Variants in MSI1 observed in about 807,000 individuals in gnomAD.
The protein encoded by MSI1 is musashi RNA binding protein 1, also known as RNA-binding protein Musashi homolog 1.
MSI1 carries 15 observed loss-of-function variants against 54.4 expected under a neutral mutation model. That is an observed-to-expected ratio of 0.28 (90% confidence interval 0.18 to 0.42). The LOEUF is 0.42. Ranked by LOEUF, MSI1 falls within the 20% of genes least tolerant of loss-of-function variation. MSI1 has a pLI of 1.00. For missense variants in MSI1, 304 were observed against 506.0 expected, an observed-to-expected ratio of 0.60 and a Z score of 3.83; for synonymous variants, 200 against 196.5, an observed-to-expected ratio of 1.02 and a Z score of -0.15.
intron 13 of MSI1, 90 bp from the exon 14 acceptor site, chr12:120,345,722 GC>G (rs1874054578): frequency 2.0e-6 from 3 of 1,510,934 alleles, no homozygotes; most frequent in Non-Finnish European, 2.8e-6. Context: ...CTGAAGTGAG[GC>G]GCTGACCTCT....
chr12:120,348,579 T>C (rs1874337004), intron 11 of MSI1, among the ~76,000 whole-genome samples: 1 of 152,114 alleles, frequency 6.6e-6, no homozygotes, highest in Non-Finnish European at 1.5e-5. Context: ...ATTAATTTTT[T>C]TGTAAAGATA....
At chr12:120,367,738 T>C (rs1876102786) in intron 4 of MSI1, among the ~76,000 whole-genome samples, 1 of 151,954 alleles carries the variant, frequency 6.6e-6, no homozygotes, top group African/African-American at 2.4e-5. Context: ...TCATGATTAG[T>C]ACTTCTAGGG....
At chr12:120,359,516 G>T (rs1179225912) in intron 6 of MSI1, among the ~76,000 whole-genome samples, 3 of 152,164 alleles carry the variant, frequency 2.0e-5, no homozygotes, top group Non-Finnish European at 4.4e-5. Flanking sequence ...CCCCTCTCCG[G>T]CTACAGATCT....
At chr12:120,343,899 C>G (rs1024673827) in intron 14 of MSI1, among the ~76,000 whole-genome samples, 1 of 152,196 alleles carries the variant, frequency 6.6e-6, no homozygotes, top group Admixed American at 6.5e-5. Flanking sequence ...CTCTGTTGCC[C>G]AGGCTGGAGT....
At position 120,368,753 on chromosome 12, in the gene MSI1, G is replaced by A. The variant is rs1252008317; in HGVS notation, c.100+80C>T. ...CCCGGGGTCAGCAGGGCGCAGGGCCGGGCTGGGGTGTCCGGGTCCGGGGCG... is the reference window on the plus strand; with the variant it reads ...CCCGGGGTCAGCAGGGCGCAGGGCCAGGCTGGGGTGTCCGGGTCCGGGGCG... On this transcript the variant is annotated intron_variant, in intron 2 of 14. Coordinates refer to ENST00000257552, the MANE Select transcript of MSI1 (RefSeq NM_002442.4). This position sits in a 1 kb window ranked among gnomAD's most constrained non-coding sequence, Gnocchi z 6.6. The A allele has an allele frequency of 1.7e-5, 22 of 1,261,738 alleles. No homozygotes were observed. The highest frequency in any genetic ancestry group is 1.0e-5 in the Non-Finnish European group (10 of 981,626). 78.2% of individuals were successfully genotyped at this position (1,261,738 alleles called of 1,614,324 possible). A position where few individuals can be genotyped will look rare whatever the true frequency, so the allele number is the denominator to read the frequency against.
rs752036224 is a variant in MSI1 at position 120,358,891 on chromosome 12, C to G, written c.451+114G>C. The G allele has an allele frequency of 5.8e-5, 72 of 1,240,460 alleles. 1 individual carries two copies. In the Admixed American group the frequency reaches 1.5e-3, roughly 25 times the overall value. The allele number at this position is 1,240,460 out of a possible 1,614,324, so 76.8% of individuals were successfully genotyped here. On this transcript the variant is annotated intron_variant, in intron 7 of 14. Coordinates refer to ENST00000257552, the MANE Select transcript of MSI1 (RefSeq NM_002442.4). ...CTGTAAGGCCAGGCCTGGGAGAGGA[C>G]GCAGATCCTGGGGGATAGGATGTCA... is the stretch of plus-strand genomic sequence containing the variant.
At chr12:120,360,612 C>T (rs1449049089) in intron 6 of MSI1, among the ~76,000 whole-genome samples, 1 of 152,214 alleles carries the variant, frequency 6.6e-6, no homozygotes, top group Admixed American at 6.5e-5. Context: ...CCACCCCTCA[C>T]TTAACCAATG....
rs1033153240 is a variant in MSI1 at position 120,368,324 on chromosome 12, C to A, written c.101-51G>T. ...CCAGCCCGGGCCCCGCGCCCTTCCC[C>A]CCCCCCCGTCCTTTGCCCCCGGTGA... On this transcript the variant is annotated intron_variant, in intron 2 of 14. Transcript: ENST00000257552. The surrounding 1 kb of genome is among the most constrained non-coding windows in gnomAD (Gnocchi z 6.6). 8 of 1,454,952 alleles carry A rather than the reference C, an allele frequency of 5.5e-6. No individual in the cohort carries two copies. The highest frequency in any genetic ancestry group is 3.9e-4 in the Middle Eastern group (2 of 5,150). 90.1% of individuals were successfully genotyped at this position (1,454,952 alleles called of 1,614,324 possible).
In MSI1 at chr12:120,368,692, G is replaced by T; in HGVS notation, c.100+141C>A. On this transcript the variant is annotated intron_variant, in intron 2 of 14. Coordinates refer to ENST00000257552, the MANE Select transcript of MSI1 (RefSeq NM_002442.4). The surrounding 1 kb of genome is among the most constrained non-coding windows in gnomAD (Gnocchi z 6.6). ...TCGCGGATCGCCCTGCGCTCTCGGGGTCTCCGGGCGGGGCGCGAAAGAGGG... is the reference window on the plus strand; with the variant it reads ...TCGCGGATCGCCCTGCGCTCTCGGGTTCTCCGGGCGGGGCGCGAAAGAGGG... The T allele has an allele frequency of 1.4e-6, 1 of 731,984 alleles. No individual in the cohort carries two copies. Among genetic ancestry groups the T allele is most frequent in the Non-Finnish European group, 1.8e-6 (1 of 542,364 alleles). The allele number at this position is 731,984 out of a possible 1,614,324, so 45.3% of individuals were successfully genotyped here. A position where few individuals can be genotyped will look rare whatever the true frequency, so the allele number is the denominator to read the frequency against.
intron 6 of MSI1, among the ~76,000 whole-genome samples, chr12:120,362,296 A>AC (rs1362804038): frequency 8.6e-5 from 13 of 151,592 alleles, no homozygotes; most frequent in Non-Finnish European, 1.9e-4. Flanking sequence ...AAGACCAGGG[A>AC]CCCCGGCCCC....
chr12:120,356,797 CAGG>C (rs1453436926), intron 9 of MSI1, 102 bp downstream of exon 9: 3 of 989,296 alleles, frequency 3.0e-6, no homozygotes, highest in Non-Finnish European at 3.1e-6. Context: ...ATGACTCAGA[CAGG>C]AGGAGGGCAG....
At chr12:120,340,149 C>T (rs779379655), downstream of MSI1, among the ~76,000 whole-genome samples, 9 of 150,978 alleles carry the variant, frequency 6.0e-5, no homozygotes, top group South Asian at 2.1e-4. Context: ...TGCAGTGGCG[C>T]GACCTTGGCT....
At chr12:120,341,103 C>T (rs141728430), downstream of MSI1, among the ~76,000 whole-genome samples, 464 of 152,056 alleles carry the variant, frequency 3.1e-3, 2 homozygotes, top group African/African-American at 0.011. Context: ...CCAGCCTGGT[C>T]TCGAACTCCT....
chr12:120,346,042 C>T (rs902829656), intron 13 of MSI1, 93 bp downstream of exon 13: 1 of 1,160,606 alleles, frequency 8.6e-7, no homozygotes, highest in Non-Finnish European at 1.2e-6. Flanking sequence ...CTCCTTTTGC[C>T]CCCAGAGACA....
chr12:120,349,839 G>T (rs1010414778), intron 11 of MSI1, among the ~76,000 whole-genome samples: 1 of 152,188 alleles, frequency 6.6e-6, no homozygotes, highest in African/African-American at 2.4e-5. Context: ...GAGGTCTGTT[G>T]TTTGGCTCAT....
intron 4 of MSI1, among the ~76,000 whole-genome samples, chr12:120,366,820 A>G (rs1305471452): frequency 6.6e-6 from 1 of 151,704 alleles, no homozygotes; most frequent in Admixed American, 6.6e-5. Context: ...CCCTTTATCA[A>G]TCTTCCACTC....
Position 120,342,677 on chromosome 12 carries a change from A to C in MSI1, c.*450T>G. 6.7e-6 allele frequency: 1 copy of C among 148,564 alleles called. No homozygotes were observed. The highest frequency in any genetic ancestry group is 6.7e-5 in the Admixed American group (1 of 14,956). 9.2% of individuals were successfully genotyped at this position (148,564 alleles called of 1,614,324 possible). On this transcript the variant is annotated 3_prime_UTR_variant, in exon 15 of 15. Transcript: ENST00000257552. ...AAAAAAAAAAAAAAAAAAAAAAGGGAAAGGGTAAAGGAGGGGAAATCTGAA... is the reference window on the plus strand; with the variant it reads ...AAAAAAAAAAAAAAAAAAAAAAGGGCAAGGGTAAAGGAGGGGAAATCTGAA...
rs749925045 is a variant in MSI1, at chr12:120,358,901, G to A, written c.451+104C>T. The A allele has an allele frequency of 3.8e-6, 5 of 1,313,148 alleles. 1 individual carries two copies. Among genetic ancestry groups the A allele is most frequent in the Middle Eastern group, 4.0e-4 (2 of 5,018 alleles). The allele number at this position is 1,313,148 out of a possible 1,614,324, so 81.3% of individuals were successfully genotyped here. ...AGGCCTGGGAGAGGACGCAGATCCT[G>A]GGGGATAGGATGTCAGAAGGCGAGA... On this transcript the variant is annotated intron_variant, in intron 7 of 14. Transcript: ENST00000257552.
In MSI1 at chr12:120,368,691, GGTCTCCGGGCGGGGCGCGAAAGAGGGCGC is replaced by G. The variant is rs1451940862; in HGVS notation, c.100+113_100+141del. 2.1e-5 allele frequency: 15 copies of G among 719,056 alleles called. No individual in the cohort carries two copies. The highest frequency in any genetic ancestry group is 2.8e-5 in the Non-Finnish European group (15 of 530,842). The allele number at this position is 719,056 out of a possible 1,614,324, so 44.5% of individuals were successfully genotyped here. On this transcript the variant is annotated intron_variant, in intron 2 of 14. Coordinates refer to ENST00000257552, the MANE Select transcript of MSI1 (RefSeq NM_002442.4). The surrounding 1 kb of genome is among the most constrained non-coding windows in gnomAD (Gnocchi z 6.6). Reference sequence around the variant, plus strand: ...CTCGCGGATCGCCCTGCGCTCTCGGGGTCTCCGGGCGGGGCGCGAAAGAGGGCGCGAGGGCGCCCGGGGTCAGCAGGGCG... The same window carrying G: ...CTCGCGGATCGCCCTGCGCTCTCGGGGAGGGCGCCCGGGGTCAGCAGGGCG...
Sources: allele counts gnomAD v4.1 joint callset (sites outside exome capture counted in the v4.1 genomes callset), GRCh38; gene constraint gnomAD v4.1.1; non-coding constraint Gnocchi (gnomAD v3.1); transcripts MANE v1.5; gene names NCBI Gene and HGNC (gene_info 2026-07-23, HGNC 2026-07-21).